The following RBFOX1 variants were observed in gnomAD, a reference collection of about 807,000 sequenced individuals.
RBFOX1 encodes RNA binding protein fox-1 homolog 1.
Under a neutral mutation model 57.7 loss-of-function variants are expected in RBFOX1, and 8 were observed. The observed-to-expected ratio is 0.14, with a 90% CI of 0.08 to 0.25. RBFOX1 has a LOEUF of 0.25. RBFOX1 is among the 10% of genes least tolerant of loss of function. The pLI is 1.00. For missense variants in RBFOX1, 611 were observed against 548.5 expected, an observed-to-expected ratio of 1.11 and a Z score of -1.14; for synonymous variants, 326 against 222.4, an observed-to-expected ratio of 1.47 and a Z score of -4.15.
intron 4 of RBFOX1, among the ~76,000 whole-genome samples, chr16:7,376,394 A>G (rs1022725921): frequency 8.5e-5 from 13 of 152,196 alleles, no homozygotes; most frequent in Admixed American, 4.6e-4. Flanking sequence ...GAGGTGATCC[A>G]GGACTTTCAT....
At chr16:5,767,199 G>T (rs1287008283) in intron 3 of RBFOX1, among the ~76,000 whole-genome samples, 3 of 152,228 alleles carry the variant, frequency 2.0e-5, no homozygotes, top group Admixed American at 1.3e-4. Context: ...AAATACCACA[G>T]AAGTAATAAA....
At chr16:7,023,273 C>T (rs1278232270) in intron 3 of RBFOX1, among the ~76,000 whole-genome samples, 1 of 151,608 alleles carries the variant, frequency 6.6e-6, no homozygotes, top group Non-Finnish European at 1.5e-5. Flanking sequence ...GGTCAGGAGT[C>T]CAAGACCAGA....
intron 4 of RBFOX1, among the ~76,000 whole-genome samples, chr16:5,980,456 C>T (rs773219381): frequency 5.9e-5 from 9 of 152,158 alleles, no homozygotes; most frequent in Non-Finnish European, 1.0e-4. Context: ...GCCGAATTCT[C>T]GCTCTGGCCC....
intron 4 of RBFOX1, among the ~76,000 whole-genome samples, chr16:7,468,553 T>C (rs1028100197): frequency 6.6e-6 from 1 of 150,972 alleles, no homozygotes; most frequent in African/African-American, 2.4e-5. Flanking sequence ...CTGATACACA[T>C]GGAACTTCGG....
intron 2 of RBFOX1, chr16:6,577,407 G>C (rs1035440037): frequency 1.3e-5 from 2 of 152,206 alleles, no homozygotes; most frequent in African/African-American, 4.8e-5. Flanking sequence ...ACCAGTCCCA[G>C]TGCTTAGAAC....
intron 4 of RBFOX1, among the ~76,000 whole-genome samples, chr16:7,354,327 A>G (rs2097177780): frequency 1.3e-5 from 2 of 152,214 alleles, no homozygotes; most frequent in South Asian, 4.1e-4. Flanking sequence ...ATTTCAAAAA[A>G]TATGTTGAAA....
chr16:6,409,607 C>T (rs895939102), intron 2 of RBFOX1, among the ~76,000 whole-genome samples: 6 of 151,832 alleles, frequency 4.0e-5, no homozygotes, highest in Non-Finnish European at 8.8e-5. Context: ...ATTTAAAATA[C>T]CCTGTGAAAC....
intron 3 of RBFOX1, among the ~76,000 whole-genome samples, chr16:5,838,847 G>C (rs2056541846): frequency 6.6e-6 from 1 of 152,172 alleles, no homozygotes; most frequent in Non-Finnish European, 1.5e-5. Context: ...GACTACCTCA[G>C]TGAGCTCTCA....
intron 4 of RBFOX1, among the ~76,000 whole-genome samples, chr16:7,430,880 G>T (rs778831364): frequency 6.6e-6 from 1 of 152,184 alleles, no homozygotes; most frequent in Non-Finnish European, 1.5e-5. Context: ...ATTAAATAAC[G>T]TGTATGATGT....
At chr16:6,203,216 G>A (rs2097227764) in intron 1 of RBFOX1, among the ~76,000 whole-genome samples, 1 of 152,016 alleles carries the variant, frequency 6.6e-6, no homozygotes, top group Non-Finnish European at 1.5e-5. Flanking sequence ...TTGCATTACT[G>A]GAGCTTTGTA....
chr16:6,905,919 T>C (rs1047244742), intron 3 of RBFOX1, among the ~76,000 whole-genome samples: 19 of 152,186 alleles, frequency 1.2e-4, no homozygotes, highest in Admixed American at 9.2e-4. Context: ...TGTAGTGACA[T>C]TGACTTCCTT....
intron 4 of RBFOX1, among the ~76,000 whole-genome samples, chr16:7,079,934 C>T (rs1347924233): frequency 1.3e-5 from 2 of 151,156 alleles, no homozygotes; most frequent in Non-Finnish European, 2.9e-5. Flanking sequence ...GGTTGCCCAA[C>T]AATGTGAATG....
At chr16:6,391,281 G>T (rs529197508) in intron 2 of RBFOX1, among the ~76,000 whole-genome samples, 2 of 152,038 alleles carry the variant, frequency 1.3e-5, no homozygotes, top group South Asian at 2.1e-4. Context: ...AGGCCCAGGC[G>T]GGCCGATCAC....
intron 3 of RBFOX1, among the ~76,000 whole-genome samples, chr16:5,776,284 A>G (rs2054144799): frequency 6.6e-6 from 1 of 152,166 alleles, no homozygotes; most frequent in Non-Finnish European, 1.5e-5. Flanking sequence ...CATTCTGGGG[A>G]AGTGTCTTAT....
intron 1 of RBFOX1, among the ~76,000 whole-genome samples, chr16:6,110,006 T>G (rs186356223): frequency 6.6e-6 from 1 of 152,260 alleles, no homozygotes; most frequent in East Asian, 1.9e-4. Context: ...ATTATTACTT[T>G]ATCAAAATAA....
intron 2 of RBFOX1, among the ~76,000 whole-genome samples, chr16:6,546,417 G>A (rs960218001): frequency 6.6e-6 from 1 of 152,186 alleles, no homozygotes; most frequent in African/African-American, 2.4e-5. Flanking sequence ...CAAAGTCAGG[G>A]TGTCAGCTGG....
intron 2 of RBFOX1, among the ~76,000 whole-genome samples, chr16:6,642,810 C>T (rs867225461): frequency 6.6e-6 from 1 of 152,154 alleles, no homozygotes; most frequent in East Asian, 1.9e-4. Context: ...CCCCTTAGGC[C>T]CCCTGAAGAT....
At position 6,934,574 on chromosome 16, in the gene RBFOX1, C is replaced by T. The variant is rs900779481; in HGVS notation, c.-15-117483C>T. ...AAGAAGGAATTTTTTAAAAAGATAA[C>T]AAAGTCATGTCATTTGCAGCAGCAC... On this transcript the variant is annotated intron_variant, in intron 3 of 15. Coordinates refer to ENST00000550418, the MANE Select transcript of RBFOX1 (RefSeq NM_018723.4). Among the ~76,000 whole-genome samples the T allele has an allele frequency of 2.0e-5, 3 of 152,102 alleles. No individual in the cohort carries two copies. The East Asian group carries it at 5.8e-4, about 29-fold the overall frequency.
At chr16:6,570,054 G>T (rs1458966522) in intron 2 of RBFOX1, among the ~76,000 whole-genome samples, 2 of 152,138 alleles carry the variant, frequency 1.3e-5, no homozygotes, top group African/African-American at 4.8e-5. Context: ...GCATTTTGTT[G>T]TCATGCGCTT....
Sources: allele counts gnomAD v4.1 joint callset (sites outside exome capture counted in the v4.1 genomes callset), GRCh38; gene constraint gnomAD v4.1.1; transcripts MANE v1.5; gene names NCBI Gene and HGNC (gene_info 2026-07-23, HGNC 2026-07-21).